Variants in CSE1L observed in about 807,000 individuals in gnomAD.
The protein encoded by CSE1L is exportin-2.
CSE1L carries 24 observed loss-of-function variants against 120.4 expected under a neutral mutation model. That is an observed-to-expected ratio of 0.20 (90% CI 0.14 to 0.28). The LOEUF is 0.28. Ranked by LOEUF, CSE1L falls within the 10% of genes least tolerant of loss-of-function variation. CSE1L has a pLI of 1.00. For missense variants in CSE1L, 830 were observed against 1,145.2 expected (o/e 0.72, Z 3.97); for synonymous variants, 402 against 398.3 (o/e 1.01, Z -0.11).
intron 3 of CSE1L, among the ~76,000 whole-genome samples, chr20:49,064,750 T>C (rs1478577458): frequency 2.0e-5 from 3 of 151,622 alleles, no homozygotes; most frequent in Non-Finnish European, 2.9e-5. Context: ...TCTCTACTGG[T>C]AGACATGCCA....
At chr20:49,069,174 C>G (rs2091914723) in intron 7 of CSE1L, among the ~76,000 whole-genome samples, 1 of 152,054 alleles carries the variant, frequency 6.6e-6, no homozygotes, top group African/African-American at 2.4e-5. Context: ...TTTGGGGAAT[C>G]ATGTTTTGGT....
At chr20:49,069,982 G>C (rs1247112600) in intron 7 of CSE1L, among the ~76,000 whole-genome samples, 1 of 152,218 alleles carries the variant, frequency 6.6e-6, no homozygotes, top group Non-Finnish European at 1.5e-5. Flanking sequence ...ATTAGGATGA[G>C]AACTAGAGGT....
At chr20:49,095,200 CCCTT>C in intron 24 of CSE1L, 1 of 641,056 alleles carries the variant, frequency 1.6e-6, no homozygotes, top group Non-Finnish European at 2.8e-6. Flanking sequence ...GAGGAAAAAT[CCCTT>C]CAATAGAAAT....
At chr20:49,095,074 T>C in intron 24 of CSE1L, 111 bp downstream of exon 24, 2 of 821,472 alleles carry the variant, frequency 2.4e-6, no homozygotes, top group Non-Finnish European at 4.0e-6. Context: ...TAAAACTAAA[T>C]CTCATTGAGT....
chr20:49,074,942 A>G (rs1306589152), intron 11 of CSE1L, 92 bp downstream of exon 11: 2 of 917,320 alleles, frequency 2.2e-6, no homozygotes, highest in South Asian at 1.6e-5. Flanking sequence ...GGGATTGAGA[A>G]TAAGAGTGTT....
rs2091892797 is a variant in CSE1L, at chr20:49,066,419, G to C, written c.385G>C (p.Asp129His). The C allele has an allele frequency of 2.5e-6, 4 of 1,614,076 alleles. No individual in the cohort carries two copies. The highest frequency in any genetic ancestry group is 3.4e-6 in the Non-Finnish European group (4 of 1,180,040). ...AGAAGATTTTCCACAGAAATGGCCTGACTTGCTGACAGAAATGGTGAATCG... is the reference window on the plus strand; with the variant it reads ...AGAAGATTTTCCACAGAAATGGCCTCACTTGCTGACAGAAATGGTGAATCG... ...GREDFPQKWP[D>H]LLTEMVNRFQ... is the part of the protein sequence containing the mutation. Residue 129 changes from aspartate (D) to histidine (H), a missense_variant, in exon 5 of 25, where the codon GAC becomes CAC. Around this residue, in one of 4 missense-constraint regions of CSE1L, gnomAD observed 543 missense variants for 640.2 expected, o/e 0.85. Coordinates refer to ENST00000262982, the MANE Select transcript of CSE1L (RefSeq NM_001316.4).
intron 1 of CSE1L, among the ~76,000 whole-genome samples, chr20:49,048,592 A>G (rs969181678): frequency 6.6e-6 from 1 of 152,200 alleles, no homozygotes; most frequent in Non-Finnish European, 1.5e-5. Context: ...AGGTAGAGGG[A>G]ATAGAAGGCT....
chr20:49,095,026 G>C (rs2092129083), intron 24 of CSE1L, 63 bp downstream of exon 24: 1 of 1,250,894 alleles, frequency 8.0e-7, no homozygotes, highest in East Asian at 2.3e-5. Flanking sequence ...CAAAAGGATA[G>C]TAGTAGTTCT....
chr20:49,078,021 A>G (rs2123724437), intron 13 of CSE1L, among the ~76,000 whole-genome samples: 1 of 152,140 alleles, frequency 6.6e-6, no homozygotes, highest in Middle Eastern at 3.4e-3. Flanking sequence ...AAAATTAAGG[A>G]TAGTTTCTGA....
In CSE1L at chr20:49,052,915, T is replaced by C. The variant is rs1022416843; in HGVS notation, c.-11-5538T>C. Among the ~76,000 whole-genome samples, 9 of 152,128 alleles carry C rather than the reference T, an allele frequency of 5.9e-5. No homozygotes were observed. The East Asian group carries it at 1.5e-3, about 26-fold the overall frequency. On this transcript the variant is annotated intron_variant, in intron 1 of 24. Coordinates refer to ENST00000262982, the MANE Select transcript of CSE1L (RefSeq NM_001316.4). ...AGTTTGGGTGTTTAAGACAAGTAAT[T>C]ATGAGGAATCTAAGGAGTTTTAGTT...
In CSE1L at chr20:49,083,843, G is replaced by A. The variant is rs185653308; in HGVS notation, c.1483-183G>A. Among the ~76,000 whole-genome samples the A allele has an allele frequency of 1.2e-3, 180 of 152,272 alleles. 2 individuals are homozygous for A. The highest frequency in any genetic ancestry group is 1.5e-3 in the Non-Finnish European group (101 of 68,020). On this transcript the variant is annotated intron_variant, in intron 14 of 24. Coordinates refer to ENST00000262982, the MANE Select transcript of CSE1L (RefSeq NM_001316.4). ...TGCTCTGAAAAGGAGAATTTAGAAA[G>A]TGGAAATTGAACCATTATGTGCAAG...
intron 1 of CSE1L, among the ~76,000 whole-genome samples, chr20:49,057,543 C>T (rs1299973796): frequency 1.3e-5 from 2 of 151,530 alleles, no homozygotes; most frequent in Non-Finnish European, 2.9e-5. Flanking sequence ...AACCTCTGCC[C>T]CCAGGCTCAA....
chr20:49,069,907 C>G (rs1369981537), intron 7 of CSE1L, among the ~76,000 whole-genome samples: 1 of 152,206 alleles, frequency 6.6e-6, no homozygotes, highest in Non-Finnish European at 1.5e-5. Flanking sequence ...TTAGTATGCA[C>G]TGAGCTTGAG....
At chr20:49,093,564 CTTT>C (rs11477256) in intron 22 of CSE1L, among the ~76,000 whole-genome samples, 1 of 117,562 alleles carries the variant, frequency 8.5e-6, no homozygotes, top group Admixed American at 9.3e-5. Flanking sequence ...GCTCCTCTCT[CTTT>C]TTTTTTTTTT....
At chr20:49,058,204 C>G (rs763065484) in intron 1 of CSE1L, among the ~76,000 whole-genome samples, 2 of 151,806 alleles carry the variant, frequency 1.3e-5, no homozygotes, top group African/African-American at 4.8e-5. Context: ...TTTTCTATGA[C>G]TATCTTTTTG....
intron 10 of CSE1L, among the ~76,000 whole-genome samples, 164 bp downstream of exon 10, chr20:49,072,861 G>T (rs575945227): frequency 3.7e-4 from 57 of 152,162 alleles, no homozygotes; most frequent in African/African-American, 1.3e-3. Context: ...GAGTTTTGTT[G>T]TGCCCTGTGA....
intron 1 of CSE1L, among the ~76,000 whole-genome samples, chr20:49,049,976 A>G (rs2091753256): frequency 6.6e-6 from 1 of 152,168 alleles, no homozygotes; most frequent in South Asian, 2.1e-4. Context: ...TCAGTGGGCC[A>G]GAATTACACC....
chr20:49,066,658 T>TCTCAACTA (rs1255560103), intron 5 of CSE1L, 148 bp downstream of exon 5: 1 of 709,682 alleles, frequency 1.4e-6, no homozygotes, highest in East Asian at 2.7e-5. Context: ...GTTTGTTTCT[T>TCTCAACTA]CTCAACTAGG....
rs2091899670 is a variant in CSE1L, at chr20:49,067,249, C to G, written c.536C>G (p.Ala179Gly). 1 of 1,610,552 alleles carries G rather than the reference C, an allele frequency of 6.2e-7. No homozygotes were observed. The change falls in exon 6 of 25, where the codon GCC becomes GGC. Residue 179 changes from alanine to glycine, a missense_variant. This residue lies in a region of CSE1L where 543 missense variants were observed against 640.2 expected (regional missense o/e 0.85). Coordinates refer to ENST00000262982, the MANE Select transcript of CSE1L (RefSeq NM_001316.4). ...LWTEIKLVLD[A>G]FALPLTNLFK... The stretch of plus-strand genomic sequence containing the variant: ...ACTGAAATTAAGCTTGTTCTGGATG[C>G]CTTTGCTTTGCCTTTGACTAATCTT...
Sources: allele counts gnomAD v4.1 joint callset (sites outside exome capture counted in the v4.1 genomes callset), GRCh38; gene constraint gnomAD v4.1.1; regional missense constraint gnomAD v4.1.1; transcripts MANE v1.5; gene names NCBI Gene and HGNC (gene_info 2026-07-23, HGNC 2026-07-21).